The following ADAMTS9 variants were observed in gnomAD, a reference collection of about 807,000 sequenced individuals.
The protein encoded by ADAMTS9 is A disintegrin and metalloproteinase with thrombospondin motifs 9.
Under a neutral mutation model 257.1 loss-of-function variants are expected in ADAMTS9, and 107 were observed. The ratio of observed to expected loss-of-function variants is 0.42; its 90% CI spans 0.36 to 0.49. The LOEUF (loss-of-function observed/expected upper bound fraction) is 0.49, where lower values mean the gene tolerates loss of function less well. ADAMTS9 is among the 20% of genes least tolerant of loss of function. The pLI is 0.03. For synonymous variants in ADAMTS9, 982 were observed against 880.9 expected (o/e 1.11, Z -2.03); for missense variants, 2,353 against 2,469.1 (o/e 0.95, Z 1.00).
rs2084643137 is a variant in ADAMTS9 at position 64,610,446 on chromosome 3, T to C, written c.3354+2899A>G. On this transcript the variant is annotated intron_variant, in intron 22 of 39. Coordinates refer to ENST00000498707, the MANE Select transcript of ADAMTS9 (RefSeq NM_182920.2). Reference sequence around the variant, plus strand: ...AAAAGGAACATTATTGAATTATACATTTAAAATAGTTGAGAGAAATTCTGT... The same window carrying C: ...AAAAGGAACATTATTGAATTATACACTTAAAATAGTTGAGAGAAATTCTGT... Among the ~76,000 whole-genome samples, 3 of 152,128 alleles carry C rather than the reference T, an allele frequency of 2.0e-5. No homozygotes were observed. In the South Asian group the frequency reaches 6.2e-4, roughly 31 times the overall value.
At chr3:64,639,886 T>G in intron 12 of ADAMTS9, among the ~76,000 whole-genome samples, 1 of 152,306 alleles carries the variant, frequency 6.6e-6, no homozygotes, top group Non-Finnish European at 1.5e-5. Context: ...TTATTTCATA[T>G]AATATGTATT....
intron 27 of ADAMTS9, 120 bp downstream of exon 27, chr3:64,596,710 T>A: frequency 4.1e-6 from 5 of 1,219,004 alleles, no homozygotes; most frequent in Non-Finnish European, 5.7e-6. Context: ...TCCTAGTTAA[T>A]CCCCACCCCA....
intron 20 of ADAMTS9, 23 bp from the exon 21 acceptor site, chr3:64,615,508 T>A: frequency 6.3e-7 from 1 of 1,586,154 alleles, no homozygotes; most frequent in Admixed American, 1.8e-5. Context: ...AATAAATAAA[T>A]AAAACTGTTG....
intron 3 of ADAMTS9, among the ~76,000 whole-genome samples, chr3:64,678,643 C>T (rs1347598681): frequency 6.6e-6 from 1 of 152,184 alleles, no homozygotes; most frequent in Non-Finnish European, 1.5e-5. Context: ...GAGTGGATTG[C>T]TATTGCTAGG....
At chr3:64,666,827 A>G (rs1701363697) in intron 3 of ADAMTS9, among the ~76,000 whole-genome samples, 1 of 152,196 alleles carries the variant, frequency 6.6e-6, no homozygotes, top group African/African-American at 2.4e-5. Context: ...GTATATTGAC[A>G]TTCTCAAACA....
chr3:64,577,573 G>T (rs1457171156), intron 28 of ADAMTS9, among the ~76,000 whole-genome samples: 1 of 152,140 alleles, frequency 6.6e-6, no homozygotes, highest in African/African-American at 2.4e-5. Context: ...GCTATGACTG[G>T]TAGGAACAGT....
At chr3:64,565,016 T>C (rs1393984806) in intron 29 of ADAMTS9, among the ~76,000 whole-genome samples, 2 of 152,190 alleles carry the variant, frequency 1.3e-5, no homozygotes, top group Non-Finnish European at 2.9e-5. Context: ...CAGTCTTTTG[T>C]AGCAGGTCAG....
rs552019914 is a variant in ADAMTS9 at position 64,664,569 on chromosome 3, T to A, written c.680-5778A>T. On this transcript the variant is annotated intron_variant, in intron 3 of 39. Transcript: ENST00000498707. ...CTGGCTTCTTTCACTTAGTACAATGTTTTCAAGGTTCGTCTATGTTGTAGC... is the reference window on the plus strand; with the variant it reads ...CTGGCTTCTTTCACTTAGTACAATGATTTCAAGGTTCGTCTATGTTGTAGC... Among the ~76,000 whole-genome samples the A allele has an allele frequency of 1.2e-3, 184 of 152,310 alleles. 1 individual carries two copies. The highest frequency in any genetic ancestry group is 1.9e-3 in the Non-Finnish European group (132 of 68,020).
rs148800582 is a variant in ADAMTS9 at position 64,554,839 on chromosome 3, AAAGTAAACCCTG to A, written c.4699-3789_4699-3778del. Among the ~76,000 whole-genome samples the A allele has an allele frequency of 9.6e-3, 1,463 of 152,374 alleles. 50 individuals are homozygous for A. The highest frequency in any genetic ancestry group is 0.08 in the East Asian group (417 of 5,188). Reference sequence around the variant, plus strand: ...CCGAATTTGAGGGTGAGGAAGACCTAAAGTAAACCCTGAAGGTGGTATTTTATTCAGCCAGGT... The same window carrying A: ...CCGAATTTGAGGGTGAGGAAGACCTAAAGGTGGTATTTTATTCAGCCAGGT... On this transcript the variant is annotated intron_variant, in intron 30 of 39. Coordinates refer to ENST00000498707, the MANE Select transcript of ADAMTS9 (RefSeq NM_182920.2).
Position 64,631,720 on chromosome 3 carries a change from C to G in ADAMTS9, c.2293+88G>C, listed in dbSNP as rs367932726. 8.5e-6 allele frequency: 11 copies of G among 1,297,990 alleles called. No individual in the cohort carries two copies. In the African/African-American group the frequency reaches 8.8e-5, roughly 10 times the overall value. 80.4% of individuals were successfully genotyped at this position (1,297,990 alleles called of 1,614,324 possible). ...TAACGAGACTGATTTTTATGCTCGA[C>G]ATTAATATTTTTGCATATTACATGT... On this transcript the variant is annotated intron_variant, in intron 15 of 39. Transcript: ENST00000498707.
At position 64,633,897 on chromosome 3, in the gene ADAMTS9, T is replaced by G. The variant is rs1408778809; in HGVS notation, c.1857-18A>C. ...TTTTTGGTCTGAAAAAGAAAAAATG[T>G]GAAGAGCACACACACTGTATTATCA... On this transcript the variant is annotated intron_variant, in intron 12 of 39. Coordinates refer to ENST00000498707, the MANE Select transcript of ADAMTS9 (RefSeq NM_182920.2). 5.6e-6 allele frequency: 9 copies of G among 1,598,896 alleles called. No homozygotes were observed. The highest frequency in any genetic ancestry group is 1.3e-5 in the African/African-American group (1 of 74,618).
intron 38 of ADAMTS9, among the ~76,000 whole-genome samples, chr3:64,528,973 T>C (rs182421306): frequency 6.6e-6 from 1 of 152,256 alleles, no homozygotes; most frequent in East Asian, 1.9e-4. Context: ...GCTTCACCTC[T>C]GGGCTCTGCA....
chr3:64,545,222 G>T lies in ADAMTS9; in HGVS notation c.5064+1536C>A, dbSNP rs369800868. On this transcript the variant is annotated intron_variant, in intron 32 of 39. Coordinates refer to ENST00000498707, the MANE Select transcript of ADAMTS9 (RefSeq NM_182920.2). Reference sequence around the variant, plus strand: ...TGGCTATTCCTCAAGGATCTAGAACGAGAAATACCATTTGACCCAGCCATC... The same window carrying T: ...TGGCTATTCCTCAAGGATCTAGAACTAGAAATACCATTTGACCCAGCCATC... Among the ~76,000 whole-genome samples, 9 of 152,246 alleles carry T rather than the reference G, an allele frequency of 5.9e-5. No individual in the cohort carries two copies. In the South Asian group the frequency reaches 1.2e-3, roughly 21 times the overall value.
At chr3:64,652,434 C>T (rs1285015332) in intron 8 of ADAMTS9, among the ~76,000 whole-genome samples, 1 of 152,146 alleles carries the variant, frequency 6.6e-6, no homozygotes, top group Non-Finnish European at 1.5e-5. Flanking sequence ...GTTTCCAGTT[C>T]CCTGATGCAT....
At chr3:64,525,072 C>T (rs189006230) in intron 38 of ADAMTS9, among the ~76,000 whole-genome samples, 1 of 152,354 alleles carries the variant, frequency 6.6e-6, no homozygotes, top group East Asian at 1.9e-4. Flanking sequence ...CTTTCTTTAA[C>T]ATCTGTCTTC....
rs941717940 is a variant in ADAMTS9, at chr3:64,613,261, C to T, written c.3354+84G>A. 2.1e-5 allele frequency: 32 copies of T among 1,512,622 alleles called. No individual in the cohort carries two copies. In the Admixed American group the frequency reaches 5.2e-4, roughly 25 times the overall value. The allele number at this position is 1,512,622 out of a possible 1,614,324, so 93.7% of individuals were successfully genotyped here. On this transcript the variant is annotated intron_variant, in intron 22 of 39. Coordinates refer to ENST00000498707, the MANE Select transcript of ADAMTS9 (RefSeq NM_182920.2). ...GCCACCCGGCACAGCGGTTAAATCT[C>T]CACCACTGGAATGCTCCTTTGCAAG...
intron 22 of ADAMTS9, among the ~76,000 whole-genome samples, chr3:64,609,343 A>G (rs1022430837): frequency 6.6e-6 from 1 of 152,122 alleles, no homozygotes; most frequent in African/African-American, 2.4e-5. Flanking sequence ...AAGTACAACT[A>G]ATTCTATTTG....
chr3:64,635,110 T>C (rs899136071), intron 12 of ADAMTS9, among the ~76,000 whole-genome samples: 2 of 152,180 alleles, frequency 1.3e-5, no homozygotes, highest in Non-Finnish European at 2.9e-5. Flanking sequence ...TCTGATCCAA[T>C]TCTGCAGTTG....
intron 30 of ADAMTS9, among the ~76,000 whole-genome samples, chr3:64,552,512 C>T (rs17071012): frequency 0.032 from 4,914 of 151,814 alleles, 276 homozygotes; most frequent in African/African-American, 0.11. Flanking sequence ...CTGTTGGCAA[C>T]GGGCTTATCT....
Sources: allele counts gnomAD v4.1 joint callset (sites outside exome capture counted in the v4.1 genomes callset), GRCh38; gene constraint gnomAD v4.1.1; transcripts MANE v1.5; gene names NCBI Gene and HGNC (gene_info 2026-07-23, HGNC 2026-07-21).